The following ARHGAP42 variants were observed in gnomAD, a reference collection of about 807,000 sequenced individuals.
ARHGAP42 encodes Rho GTPase activating protein 42.
Under a neutral mutation model 125.0 loss-of-function variants are expected in ARHGAP42, and 63 were observed. The ratio of observed to expected loss-of-function variants is 0.50; its 90% CI spans 0.41 to 0.62. ARHGAP42 has a LOEUF of 0.62. Ranked by LOEUF, ARHGAP42 falls within the 20% of genes least tolerant of loss-of-function variation. ARHGAP42 has a pLI of 0.00. For synonymous variants in ARHGAP42, 339 were observed against 351.0 expected, an observed-to-expected ratio of 0.97 and a Z score of 0.38; for missense variants, 766 against 1,024.2, an observed-to-expected ratio of 0.75 and a Z score of 3.44.
At chr11:100,749,224 A>AC (rs1862381343) in intron 1 of ARHGAP42, among the ~76,000 whole-genome samples, 1 of 151,990 alleles carries the variant, frequency 6.6e-6, no homozygotes, top group Admixed American at 6.5e-5. Context: ...GGAAGGCTCA[A>AC]CCCCTCAAAC....
Position 100,993,680 on chromosome 11 carries a change from C to T in ARHGAP42, c.*4879C>T, listed in dbSNP as rs1272746505. The T allele has an allele frequency of 6.0e-6, 1 of 167,030 alleles. No homozygotes were observed. Among genetic ancestry groups the T allele is most frequent in the Admixed American group, 6.5e-5 (1 of 15,282 alleles). The allele number at this position is 167,030 out of a possible 1,614,324, so 10.3% of individuals were successfully genotyped here. A position where few individuals can be genotyped will look rare whatever the true frequency, so the allele number is the denominator to read the frequency against. ...GATGTTAAGATATTATATTTCAGTA[C>T]TAGGAGCTTCTTTGCAGTCATTAAC... On this transcript the variant is annotated 3_prime_UTR_variant, in exon 24 of 24. Coordinates refer to ENST00000298815, the MANE Select transcript of ARHGAP42 (RefSeq NM_152432.4).
chr11:100,792,779 GTCTC>G (rs1863596570), intron 2 of ARHGAP42, among the ~76,000 whole-genome samples: 1 of 147,200 alleles, frequency 6.8e-6, no homozygotes, highest in Non-Finnish European at 1.5e-5. Context: ...TTGAGACCGA[GTCTC>G]TCTCTGTCAC....
At chr11:100,733,825 GAAAA>G (rs551074447) in intron 1 of ARHGAP42, among the ~76,000 whole-genome samples, 8 of 31,382 alleles carry the variant, frequency 2.5e-4, no homozygotes, top group African/African-American at 1.0e-3. Context: ...ATTCTGTCTG[GAAAA>G]AAAAAAAAAA....
chr11:100,771,120 A>G (rs1862967978), intron 2 of ARHGAP42, among the ~76,000 whole-genome samples: 1 of 152,184 alleles, frequency 6.6e-6, no homozygotes, highest in African/African-American at 2.4e-5. Flanking sequence ...TTTTAAAGAA[A>G]ACAAATCAGC....
rs974064328 is a variant in ARHGAP42, at chr11:100,705,558, G to A, written c.154+17726G>A. ...GTATCTAGTACAATTTATGGTACTC[G>A]GTATTAAATGTTAGTTTTCTCACCT... On this transcript the variant is annotated intron_variant, in intron 1 of 23. Transcript: ENST00000298815. Among the ~76,000 whole-genome samples, 6 of 152,092 alleles carry A rather than the reference G, an allele frequency of 3.9e-5. No individual in the cohort carries two copies. The East Asian group carries it at 9.7e-4, about 24-fold the overall frequency.
chr11:100,868,086 A>G (rs1338955920), intron 4 of ARHGAP42, among the ~76,000 whole-genome samples: 1 of 152,228 alleles, frequency 6.6e-6, no homozygotes, highest in African/African-American at 2.4e-5. Context: ...CATGACAAAT[A>G]TAATAATAAT....
chr11:100,863,117 T>C (rs1357038386), intron 4 of ARHGAP42, among the ~76,000 whole-genome samples: 2 of 151,680 alleles, frequency 1.3e-5, no homozygotes, highest in Non-Finnish European at 2.9e-5. Context: ...CTGAAATATA[T>C]GTATAGATCA....
chr11:100,821,632 AAAAAGT>A, intron 3 of ARHGAP42, among the ~76,000 whole-genome samples: 1 of 151,220 alleles, frequency 6.6e-6, no homozygotes, highest in Non-Finnish European at 1.5e-5. Context: ...AAGGAAAAGG[AAAAAGT>A]AAAAGAAAAA....
intron 3 of ARHGAP42, among the ~76,000 whole-genome samples, chr11:100,799,005 T>A (rs1249986659): frequency 6.6e-6 from 1 of 152,148 alleles, no homozygotes. Flanking sequence ...TCTGTATAAG[T>A]TGTGGAATAA....
chr11:100,733,274 A>G (rs78429000), intron 1 of ARHGAP42, among the ~76,000 whole-genome samples: 3,912 of 152,308 alleles, frequency 0.026, 68 homozygotes, highest in Non-Finnish European at 0.031. Context: ...TGTCATGAGG[A>G]TTATATAAGA....
intron 3 of ARHGAP42, among the ~76,000 whole-genome samples, chr11:100,841,782 G>A (rs537303822): frequency 3.8e-4 from 58 of 152,276 alleles, no homozygotes; most frequent in African/African-American, 1.3e-3. Context: ...AGGAGTTCTT[G>A]TAAGTAATGC....
At chr11:100,691,743 C>T (rs1446381269) in intron 1 of ARHGAP42, among the ~76,000 whole-genome samples, 1 of 152,092 alleles carries the variant, frequency 6.6e-6, no homozygotes, top group Non-Finnish European at 1.5e-5. Context: ...CTGGTCTCAT[C>T]AAACCCCTGG....
Position 100,979,013 on chromosome 11 carries a change from A to ATT in ARHGAP42, c.2420_2421insTT (p.Glu807AspfsTer2), listed in dbSNP as rs1858463165. On this transcript the variant is annotated frameshift_variant, in exon 22 of 24. Transcript: ENST00000298815. LOFTEE classifies it high-confidence loss of function. ...GTGGCAGCAAAAGCTCAACTGTTTG[A>ATT]AAATGTTGGTTCACCTAAACCAGTT... 6.4e-7 allele frequency: 1 copy of ATT among 1,551,550 alleles called. No homozygotes were observed.
chr11:100,837,672 T>TATTA (rs1161390573), intron 3 of ARHGAP42, among the ~76,000 whole-genome samples: 9 of 100,496 alleles, frequency 9.0e-5, no homozygotes, highest in Admixed American at 4.9e-4. Context: ...CATCCTTTTT[T>TATTA]TTTTTTTTTT....
At chr11:100,837,451 A>G (rs1204666664) in intron 3 of ARHGAP42, among the ~76,000 whole-genome samples, 3 of 152,078 alleles carry the variant, frequency 2.0e-5, no homozygotes, top group Non-Finnish European at 4.4e-5. Context: ...GAATTTGGAA[A>G]TGAGATCACA....
chr11:100,957,730 A>T (rs1393559639), intron 12 of ARHGAP42, among the ~76,000 whole-genome samples: 1 of 152,136 alleles, frequency 6.6e-6, no homozygotes, highest in Non-Finnish European at 1.5e-5. Context: ...CAGCATCCGT[A>T]GAGTAACGCT....
chr11:100,799,955 C>T (rs1565219234), intron 3 of ARHGAP42, among the ~76,000 whole-genome samples: 1 of 152,050 alleles, frequency 6.6e-6, no homozygotes, highest in Non-Finnish European at 1.5e-5. Flanking sequence ...ATTTAATGTG[C>T]CCAGGAGTTT....
intron 5 of ARHGAP42, among the ~76,000 whole-genome samples, chr11:100,918,638 C>G (rs899197934): frequency 6.6e-6 from 1 of 152,130 alleles, no homozygotes; most frequent in African/African-American, 2.4e-5. Context: ...AGCTTAAATA[C>G]TAAAGAGATC....
At chr11:100,735,754 G>A (rs1381762287) in intron 1 of ARHGAP42, among the ~76,000 whole-genome samples, 3 of 151,602 alleles carry the variant, frequency 2.0e-5, no homozygotes, top group Admixed American at 6.6e-5. Context: ...GATTACAGGC[G>A]CCCGCCACCA....
Sources: allele counts gnomAD v4.1 joint callset (sites outside exome capture counted in the v4.1 genomes callset), GRCh38; gene constraint gnomAD v4.1.1; transcripts MANE v1.5; gene names NCBI Gene and HGNC (gene_info 2026-07-23, HGNC 2026-07-21).